RARB: variants seen among roughly 807,000 people sequenced by gnomAD.
RARB encodes retinoic acid receptor beta.
Under a neutral mutation model 51.9 loss-of-function variants are expected in RARB, and 17 were observed. The observed-to-expected ratio is 0.33, with a 90% confidence interval of 0.22 to 0.49. The LOEUF is 0.49. Among genes scored for constraint, RARB ranks in the 20% least tolerant of loss-of-function variants. The pLI is 0.99. For synonymous variants in RARB, 215 were observed against 195.4 expected (o/e 1.10, Z -0.84); for missense variants, 369 against 550.8 (o/e 0.67, Z 3.30).
At chr3:25,202,582 A>G (rs1051165525) in intron 5 of RARB, among the ~76,000 whole-genome samples, 1 of 152,126 alleles carries the variant, frequency 6.6e-6, no homozygotes, top group Admixed American at 6.6e-5. Flanking sequence ...AGTGCTATAA[A>G]TTTCCCTCTA....
intron 5 of RARB, among the ~76,000 whole-genome samples, chr3:25,195,539 C>G (rs917836803): frequency 1.3e-5 from 2 of 151,980 alleles, no homozygotes; most frequent in South Asian, 4.1e-4. Context: ...ACATCTTATT[C>G]CTTTAACTAC....
intron 2 of RARB, among the ~76,000 whole-genome samples, chr3:25,000,662 G>A (rs1202906110): frequency 6.6e-6 from 1 of 152,104 alleles, no homozygotes; most frequent in Non-Finnish European, 1.5e-5. Flanking sequence ...CACACAGAAT[G>A]TCATGTGAGT....
chr3:25,341,426 CAGAG>C (rs1705223890), intron 5 of RARB, among the ~76,000 whole-genome samples: 1 of 152,094 alleles, frequency 6.6e-6, no homozygotes, highest in African/African-American at 2.4e-5. Flanking sequence ...GGGTGAGAGC[CAGAG>C]AGAATTTGCC....
chr3:25,406,540 G>C (rs889349399), intron 5 of RARB, among the ~76,000 whole-genome samples: 2 of 152,152 alleles, frequency 1.3e-5, no homozygotes, highest in African/African-American at 4.8e-5. Context: ...CACCCCCAGT[G>C]TCTCTTCTTC....
intron 5 of RARB, among the ~76,000 whole-genome samples, chr3:25,382,802 G>A (rs1463168454): frequency 1.3e-5 from 2 of 152,174 alleles, no homozygotes; most frequent in African/African-American, 4.8e-5. Context: ...AGGTTGCAGT[G>A]AGCTGAGATC....
intron 2 of RARB, among the ~76,000 whole-genome samples, chr3:24,953,975 C>T (rs985205429): frequency 5.3e-5 from 8 of 152,212 alleles, no homozygotes; most frequent in South Asian, 4.2e-4. Flanking sequence ...CTTTTCTGAG[C>T]GCTCAGATGA....
chr3:25,365,628 C>T (rs1004643730), intron 5 of RARB, among the ~76,000 whole-genome samples: 2 of 152,116 alleles, frequency 1.3e-5, no homozygotes, highest in Non-Finnish European at 2.9e-5. Context: ...GTCCAAAGTC[C>T]AAGAGTGACT....
At chr3:25,541,643 C>T (rs563372820) in intron 3 of RARB, among the ~76,000 whole-genome samples, 48 of 152,194 alleles carry the variant, frequency 3.2e-4, no homozygotes, top group Non-Finnish European at 6.8e-4. Context: ...TGAACATTTC[C>T]CCTTACACAG....
At chr3:25,270,273 G>A (rs1374819353) in intron 5 of RARB, among the ~76,000 whole-genome samples, 6 of 152,164 alleles carry the variant, frequency 3.9e-5, no homozygotes, top group African/African-American at 1.4e-4. Context: ...AATGCGGTCT[G>A]TATGTACAAC....
chr3:25,581,769 C>T (rs2125307398), intron 5 of RARB, among the ~76,000 whole-genome samples: 1 of 152,256 alleles, frequency 6.6e-6, no homozygotes, highest in East Asian at 1.9e-4. Flanking sequence ...GCCACCAGAG[C>T]TCCCTTTCTC....
At chr3:25,503,685 A>G (rs6787722) in intron 3 of RARB, among the ~76,000 whole-genome samples, 3,166 of 152,316 alleles carry the variant, frequency 0.021, 113 homozygotes, top group African/African-American at 0.073. Context: ...AAGGGAAAGA[A>G]ATAAACACTT....
chr3:25,328,737 CG>C (rs1704801487), intron 5 of RARB, among the ~76,000 whole-genome samples: 2 of 152,080 alleles, frequency 1.3e-5, no homozygotes, highest in African/African-American at 4.8e-5. Context: ...TCACTGCACC[CG>C]GGAAGCACAA....
At chr3:24,873,497 A>G (rs1575047019) in intron 2 of RARB, among the ~76,000 whole-genome samples, 1 of 152,082 alleles carries the variant, frequency 6.6e-6, no homozygotes, top group African/African-American at 2.4e-5. Flanking sequence ...TTCTTGACAG[A>G]GATTTTACTG....
intron 5 of RARB, among the ~76,000 whole-genome samples, chr3:25,300,909 A>G (rs1704023050): frequency 6.6e-6 from 1 of 152,190 alleles, no homozygotes; most frequent in Non-Finnish European, 1.5e-5. Flanking sequence ...ATGCAGGAGA[A>G]TTGCTTGAAC....
intron 3 of RARB, among the ~76,000 whole-genome samples, chr3:25,096,074 T>C (rs1699287575): frequency 6.6e-6 from 1 of 152,220 alleles, no homozygotes. Flanking sequence ...AATTATTTTT[T>C]TCAACATTAT....
rs567735286 is a variant in RARB, at chr3:25,332,201, A to G, written c.179-128992A>G. ...GAGGCCAGCATCATCCTGATACCAA[A>G]GCATGGCAGAGACACAACAAAAAAA... On this transcript the variant is annotated intron_variant, in intron 5 of 11. Coordinates refer to the RARB transcript ENST00000383772. Among the ~76,000 whole-genome samples, 4 of 152,302 alleles carry G rather than the reference A, an allele frequency of 2.6e-5. No individual in the cohort carries two copies. The South Asian group carries it at 8.3e-4, about 32-fold the overall frequency.
chr3:25,527,279 G>GCAA (rs1376825999), intron 3 of RARB, among the ~76,000 whole-genome samples: 4 of 152,186 alleles, frequency 2.6e-5, no homozygotes, highest in Non-Finnish European at 4.4e-5. Context: ...AGCTCTGCAG[G>GCAA]CAACAGCTCC....
chr3:25,312,557 A>G lies in RARB; in HGVS notation c.178+137982A>G, dbSNP rs145455483. Among the ~76,000 whole-genome samples, 33 of 152,336 alleles carry G rather than the reference A, an allele frequency of 2.2e-4. No individual in the cohort carries two copies. The East Asian group carries it at 5.0e-3, about 23-fold the overall frequency. On this transcript the variant is annotated intron_variant, in intron 5 of 11. Coordinates refer to the RARB transcript ENST00000383772. ...GTTAATTGAAAAGAAGAGGTATAGTAATGTAATTTAGTGAGTGAGAGCTCA... is the reference window on the plus strand; with the variant it reads ...GTTAATTGAAAAGAAGAGGTATAGTGATGTAATTTAGTGAGTGAGAGCTCA...
intron 2 of RARB, among the ~76,000 whole-genome samples, chr3:25,472,230 C>T (rs944450708): frequency 2.0e-5 from 3 of 152,192 alleles, no homozygotes; most frequent in African/African-American, 7.2e-5. Context: ...GTGATTAGGA[C>T]TCCTGCCAGT....
Sources: allele counts gnomAD v4.1 joint callset (sites outside exome capture counted in the v4.1 genomes callset), GRCh38; gene constraint gnomAD v4.1.1; transcripts MANE v1.5; gene names NCBI Gene and HGNC (gene_info 2026-07-23, HGNC 2026-07-21).